TTLL5: variants seen among roughly 807,000 people sequenced by gnomAD.
The protein encoded by TTLL5 is tubulin polyglutamylase TTLL5.
TTLL5 carries 132 observed loss-of-function variants against 168.4 expected under a neutral mutation model. That is an observed-to-expected ratio of 0.78 (90% confidence interval 0.68 to 0.91). The LOEUF (loss-of-function observed/expected upper bound fraction) is 0.91. Among genes scored for constraint, TTLL5 ranks in the 40% least tolerant of loss-of-function variants. TTLL5 has a pLI of 0.00. For missense variants in TTLL5, 1,545 were observed against 1,581.5 expected, an observed-to-expected ratio of 0.98 and a Z score of 0.39; for synonymous variants, 546 against 558.6, an observed-to-expected ratio of 0.98 and a Z score of 0.32.
At chr14:75,906,367 G>C (rs1033457219) in intron 31 of TTLL5, among the ~76,000 whole-genome samples, 1 of 152,102 alleles carries the variant, frequency 6.6e-6, no homozygotes, top group African/African-American at 2.4e-5. Flanking sequence ...TAAGAATTTG[G>C]GTTGATCACC....
chr14:75,952,871 AG>A (rs1255840157), intron 31 of TTLL5, among the ~76,000 whole-genome samples: 2 of 152,192 alleles, frequency 1.3e-5, no homozygotes, highest in Non-Finnish European at 2.9e-5. Context: ...TGAGAGATGT[AG>A]GGGGTGGTGG....
intron 29 of TTLL5, among the ~76,000 whole-genome samples, chr14:75,882,196 G>A (rs1037388395): frequency 2.6e-5 from 4 of 152,078 alleles, no homozygotes; most frequent in African/African-American, 9.7e-5. Flanking sequence ...TGCTCACCAT[G>A]CCTTAGCCAC....
intron 15 of TTLL5, among the ~76,000 whole-genome samples, chr14:75,741,956 C>T (rs1300803192): frequency 1.3e-5 from 2 of 152,076 alleles, no homozygotes; most frequent in African/African-American, 4.8e-5. Context: ...GTTGCCACAT[C>T]ATTATCTCAA....
chr14:75,920,112 C>A (rs2033773271), intron 31 of TTLL5, among the ~76,000 whole-genome samples: 1 of 131,680 alleles, frequency 7.6e-6, no homozygotes, highest in Non-Finnish European at 1.6e-5. Context: ...AGAGTGAGAT[C>A]CTGTCTCAAA....
chr14:75,743,668 G>T (rs369596523), intron 15 of TTLL5, among the ~76,000 whole-genome samples: 1 of 132,072 alleles, frequency 7.6e-6, no homozygotes, highest in Admixed American at 9.3e-5. Context: ...TGCATGCTCC[G>T]CCTCCTGGGT....
chr14:75,817,991 C>T (rs1281844937), intron 27 of TTLL5, among the ~76,000 whole-genome samples: 3 of 151,762 alleles, frequency 2.0e-5, no homozygotes, highest in Non-Finnish European at 4.4e-5. Context: ...GTGCCCGCCA[C>T]CACGCCCAGC....
At chr14:75,829,653 A>C (rs989013848) in intron 28 of TTLL5, among the ~76,000 whole-genome samples, 4 of 152,054 alleles carry the variant, frequency 2.6e-5, no homozygotes, top group African/African-American at 9.7e-5. Flanking sequence ...GATACTAAAG[A>C]CTTGGGTGAA....
chr14:75,682,000 G>C (rs1321808604), intron 4 of TTLL5, among the ~76,000 whole-genome samples: 1 of 151,760 alleles, frequency 6.6e-6, no homozygotes, highest in Non-Finnish European at 1.5e-5. Context: ...GACCATCCTG[G>C]CCAACATGGT....
In TTLL5 at chr14:75,690,338, A is replaced by T; in HGVS notation, c.502+16A>T. 1 of 1,590,756 alleles carries T rather than the reference A, an allele frequency of 6.3e-7. No homozygotes were observed. Among genetic ancestry groups the T allele is most frequent in the South Asian group, 1.2e-5 (1 of 86,734 alleles). On this transcript the variant is annotated intron_variant, in intron 6 of 31. Coordinates refer to ENST00000298832, the MANE Select transcript of TTLL5 (RefSeq NM_015072.5). Reference sequence around the variant, plus strand: ...GAATTTTGTAGTAAGTGCTTGACAGAGAATGCCCCAGTCCCCAGCAACTGA... The same window carrying T: ...GAATTTTGTAGTAAGTGCTTGACAGTGAATGCCCCAGTCCCCAGCAACTGA...
intron 26 of TTLL5, among the ~76,000 whole-genome samples, chr14:75,785,340 C>T (rs1285513060): frequency 6.6e-6 from 1 of 152,098 alleles, no homozygotes; most frequent in Non-Finnish European, 1.5e-5. Context: ...CCACCATGCT[C>T]AGCTAATTTT....
intron 23 of TTLL5, 22 bp downstream of exon 23, chr14:75,776,872 T>G (rs776530342): frequency 4.4e-6 from 7 of 1,578,400 alleles, no homozygotes; most frequent in South Asian, 2.2e-5. Context: ...TCTTGATTGA[T>G]AAAAGCTGTC....
chr14:75,942,368 C>CGA (rs2034637390), intron 31 of TTLL5, among the ~76,000 whole-genome samples: 2 of 152,084 alleles, frequency 1.3e-5, no homozygotes, highest in African/African-American at 4.8e-5. Flanking sequence ...GATCATCAGT[C>CGA]AATCAACTAT....
rs60621403 is a variant in TTLL5, at chr14:75,763,255, CTGTGTGTGTGTGTGTG to C, written c.1551-1344_1551-1329del. Among the ~76,000 whole-genome samples, 7 of 58,596 alleles carry C rather than the reference CTGTGTGTGTGTGTGTG, an allele frequency of 1.2e-4. No homozygotes were observed. The East Asian group carries it at 2.1e-3, about 18-fold the overall frequency. The allele number at this position is 58,596 out of a possible 152,430, so 38.4% of individuals were successfully genotyped here. On this transcript the variant is annotated intron_variant, in intron 18 of 31. Coordinates refer to ENST00000298832, the MANE Select transcript of TTLL5 (RefSeq NM_015072.5). ...AAAGTTTATTTCTATAGCTCTCTCT[CTGTGTGTGTGTGTGTG>C]TGTGTGTGTGTGTGTACTCTTTGGG...
In TTLL5 at chr14:75,779,564, C is replaced by T; in HGVS notation, c.2388-11C>T. 3.1e-6 allele frequency: 5 copies of T among 1,610,626 alleles called. No individual in the cohort carries two copies. The highest frequency in any genetic ancestry group is 4.2e-6 in the Non-Finnish European group (5 of 1,179,030). The stretch of plus-strand genomic sequence containing the variant: ...CTTCCTGTCTGACCATACTTTTTCT[C>T]CTCATTTCAGTGAGGCTGAACTGGA... On this transcript the variant is annotated splice_polypyrimidine_tract_variant and intron_variant, in intron 23 of 31. Coordinates refer to ENST00000298832, the MANE Select transcript of TTLL5 (RefSeq NM_015072.5).
chr14:75,765,995 G>A, intron 19 of TTLL5, 67 bp from the exon 20 acceptor site: 5 of 1,418,256 alleles, frequency 3.5e-6, no homozygotes, highest in Non-Finnish European at 4.8e-6. Flanking sequence ...AAAGAGAAAA[G>A]GAAGGTATTG....
chr14:75,669,520 G>T lies in TTLL5; in HGVS notation c.179G>T (p.Gly60Val), dbSNP rs769021187. 1.5e-5 allele frequency: 25 copies of T among 1,613,816 alleles called. No homozygotes were observed. The highest frequency in any genetic ancestry group is 2.1e-5 in the Non-Finnish European group (25 of 1,179,738). ...LTKDNNIRVIGERYHLSYKIV... is the reference protein window; with the variant it reads ...LTKDNNIRVIVERYHLSYKIV... Reference sequence around the variant, plus strand: ...AAGGACAACAATATTAGAGTAATTGGAGGTGCGTATAACCTCTCCCACAGA... The same window carrying T: ...AAGGACAACAATATTAGAGTAATTGTAGGTGCGTATAACCTCTCCCACAGA... The change falls in exon 3 of 32, where the codon GGA becomes GTA. Residue 60 changes from glycine (G) to valine (V), a missense_variant and splice_region_variant. Gly to Val is a moderately radical substitution (Grantham distance 109). Coordinates refer to ENST00000298832, the MANE Select transcript of TTLL5 (RefSeq NM_015072.5).
At chr14:75,941,800 C>T (rs2034613536) in intron 31 of TTLL5, among the ~76,000 whole-genome samples, 1 of 149,832 alleles carries the variant, frequency 6.7e-6, no homozygotes, top group South Asian at 2.1e-4. Context: ...ACCACACCTG[C>T]CTGGCTTAGG....
At chr14:75,846,792 G>GA (rs5809732) in intron 28 of TTLL5, among the ~76,000 whole-genome samples, 4,283 of 99,120 alleles carry the variant, frequency 0.043, 97 homozygotes, top group African/African-American at 0.056. Flanking sequence ...CTCCATCTCA[G>GA]AAAAAAAAAA....
intron 20 of TTLL5, among the ~76,000 whole-genome samples, chr14:75,771,125 TAAA>T (rs1891282585): frequency 6.6e-6 from 1 of 152,088 alleles, no homozygotes; most frequent in African/African-American, 2.4e-5. Flanking sequence ...AGAAAGTTGT[TAAA>T]AAGTTCAAAG....
Sources: allele counts gnomAD v4.1 joint callset (sites outside exome capture counted in the v4.1 genomes callset), GRCh38; gene constraint gnomAD v4.1.1; transcripts MANE v1.5; gene names NCBI Gene and HGNC (gene_info 2026-07-23, HGNC 2026-07-21).